DOK6: variants seen among roughly 807,000 people sequenced by gnomAD.
DOK6 encodes downstream of tyrosine kinase 6.
A neutral mutation model predicts 44.0 loss-of-function variants in DOK6; 22 were observed. The observed-to-expected ratio is 0.50, with a 90% CI of 0.36 to 0.71. DOK6 has a LOEUF of 0.71. Ranked by LOEUF, DOK6 falls within the 30% of genes least tolerant of loss-of-function variation. The pLI, the probability that DOK6 is intolerant of heterozygous loss-of-function variation, is 0.00. For missense variants in DOK6, 340 were observed against 416.4 expected (o/e 0.82, Z 1.60); for synonymous variants, 166 against 145.5 (o/e 1.14, Z -1.01).
At chr18:69,677,906 C>A in intron 4 of DOK6, 53 bp downstream of exon 4, 1 of 1,573,286 alleles carries the variant, frequency 6.4e-7, no homozygotes, top group Non-Finnish European at 8.6e-7. Flanking sequence ...AATTGTAGAA[C>A]TTTGAAACTG....
intron 3 of DOK6, among the ~76,000 whole-genome samples, chr18:69,613,204 T>C (rs1193572122): frequency 6.6e-6 from 1 of 152,194 alleles, no homozygotes; most frequent in African/African-American, 2.4e-5. Context: ...TTAAAGACTA[T>C]GTGCTTTGTG....
At chr18:69,729,242 C>T (rs1256053315) in intron 5 of DOK6, among the ~76,000 whole-genome samples, 2 of 152,138 alleles carry the variant, frequency 1.3e-5, no homozygotes, top group Non-Finnish European at 2.9e-5. Context: ...GGTCAATTCC[C>T]TTCAACCAAA....
intron 1 of DOK6, among the ~76,000 whole-genome samples, chr18:69,491,546 T>C (rs1980733821): frequency 6.6e-6 from 1 of 152,222 alleles, no homozygotes; most frequent in Non-Finnish European, 1.5e-5. Context: ...TTCTGAAATG[T>C]TGTCTCGTCA....
At chr18:69,757,109 T>G (rs1349669422) in intron 6 of DOK6, among the ~76,000 whole-genome samples, 1 of 152,252 alleles carries the variant, frequency 6.6e-6, no homozygotes, top group East Asian at 1.9e-4. Flanking sequence ...ATCCTTAAAA[T>G]GTATGTTTCG....
intron 3 of DOK6, among the ~76,000 whole-genome samples, chr18:69,618,013 C>G (rs1984352427): frequency 6.6e-6 from 1 of 152,066 alleles, no homozygotes; most frequent in Non-Finnish European, 1.5e-5. Context: ...GATTTGGATA[C>G]AGAAACACAG....
chr18:69,491,580 A>G (rs559563239), intron 1 of DOK6, among the ~76,000 whole-genome samples: 75 of 152,330 alleles, frequency 4.9e-4, no homozygotes, highest in African/African-American at 1.8e-3. Flanking sequence ...TGTCCTATGT[A>G]TGATATGAGT....
chr18:69,509,263 C>T (rs535224710), intron 1 of DOK6, among the ~76,000 whole-genome samples: 1 of 152,230 alleles, frequency 6.6e-6, no homozygotes, highest in East Asian at 1.9e-4. Context: ...TGTGTTTCTT[C>T]AACCTCATTT....
intron 2 of DOK6, among the ~76,000 whole-genome samples, chr18:69,591,868 T>C (rs886172631): frequency 6.6e-6 from 1 of 152,076 alleles, no homozygotes; most frequent in Non-Finnish European, 1.5e-5. Flanking sequence ...ATAGGTTAGT[T>C]GACAAGTTCA....
chr18:69,833,967 T>G (rs117742044), intron 7 of DOK6, among the ~76,000 whole-genome samples: 3 of 152,176 alleles, frequency 2.0e-5, no homozygotes, highest in Non-Finnish European at 4.4e-5. Flanking sequence ...TATTAAGTAG[T>G]ACAGCTATTA....
chr18:69,499,640 T>C (rs1980993559), intron 1 of DOK6, among the ~76,000 whole-genome samples: 1 of 152,198 alleles, frequency 6.6e-6, no homozygotes, highest in Non-Finnish European at 1.5e-5. Context: ...AATTCTGACG[T>C]TTGTATCTGC....
chr18:69,628,929 T>C (rs1286611927), intron 3 of DOK6, among the ~76,000 whole-genome samples: 1 of 152,204 alleles, frequency 6.6e-6, no homozygotes, highest in African/African-American at 2.4e-5. Context: ...TGGAACAATA[T>C]GCAAGCCACA....
chr18:69,502,366 G>T (rs12605613), intron 1 of DOK6, among the ~76,000 whole-genome samples: 1 of 151,828 alleles, frequency 6.6e-6, no homozygotes, highest in African/African-American at 2.4e-5. Flanking sequence ...AGACACTGTG[G>T]GCCAAGAACA....
chr18:69,548,038 C>A (rs1263629688), intron 1 of DOK6, among the ~76,000 whole-genome samples: 1 of 150,412 alleles, frequency 6.6e-6, no homozygotes, highest in Non-Finnish European at 1.5e-5. Flanking sequence ...ACTGCAAACT[C>A]CACCTCCCAG....
rs181230147 is a variant in DOK6 at position 69,552,899 on chromosome 18, G to A, written c.67-11588G>A. ...AAAATGTGTGTGTGTGCACATGCGC[G>A]TGTGCGCACAGAGATATGATGTGCT... On this transcript the variant is annotated intron_variant, in intron 1 of 7. Transcript: ENST00000382713. 8.3e-4 allele frequency among the ~76,000 whole-genome samples: 127 copies of A among 152,368 alleles called. 1 individual carries two copies. Among genetic ancestry groups the A allele is most frequent in the Middle Eastern group, 3.4e-3 (1 of 294 alleles).
At chr18:69,791,473 G>A (rs1209943316) in intron 7 of DOK6, among the ~76,000 whole-genome samples, 1 of 152,160 alleles carries the variant, frequency 6.6e-6, no homozygotes. Context: ...ATACCTCAAT[G>A]TAGTTTTAAT....
At chr18:69,705,709 A>G (rs62092672) in intron 5 of DOK6, among the ~76,000 whole-genome samples, 3,889 of 152,168 alleles carry the variant, frequency 0.026, 109 homozygotes, top group Admixed American at 0.066. Context: ...CTCTTTTCCA[A>G]TTTTACAAGG....
chr18:69,480,252 A>C (rs1980381199), intron 1 of DOK6, among the ~76,000 whole-genome samples: 1 of 152,116 alleles, frequency 6.6e-6, no homozygotes, highest in Admixed American at 6.6e-5. Flanking sequence ...TAAAAGATTA[A>C]AGCTAATAAA....
At chr18:69,565,967 A>G (rs185797207) in intron 2 of DOK6, among the ~76,000 whole-genome samples, 3 of 152,300 alleles carry the variant, frequency 2.0e-5, no homozygotes, top group African/African-American at 7.2e-5. Flanking sequence ...GCCAGTTTGT[A>G]AAAATGTGAG....
intron 3 of DOK6, among the ~76,000 whole-genome samples, chr18:69,655,372 C>T (rs1287358992): frequency 6.6e-6 from 1 of 151,770 alleles, no homozygotes; most frequent in African/African-American, 2.4e-5. Context: ...TTTTAAAATG[C>T]CATTGAAATG....
Sources: gnomAD v4.1 joint callset for allele counts (sites outside exome capture counted in the v4.1 genomes callset) on GRCh38, gnomAD v4.1.1 for gene constraint, MANE v1.5 for transcripts, NCBI Gene and HGNC (gene_info 2026-07-23, HGNC 2026-07-21) for gene names.